RPN1: variants seen among roughly 807,000 people sequenced by gnomAD.
RPN1 encodes dolichyl-diphosphooligosaccharide--protein glycosyltransferase subunit 1.
Under a neutral mutation model 55.5 loss-of-function variants are expected in RPN1, and 12 were observed. That is an observed-to-expected ratio of 0.22 (90% confidence interval 0.14 to 0.35). The LOEUF (loss-of-function observed/expected upper bound fraction) is 0.35, where lower values mean the gene tolerates loss of function less well. RPN1 is among the 10% of genes least tolerant of loss of function. RPN1 has a pLI of 1.00. For synonymous variants in RPN1, 317 were observed against 305.9 expected (o/e 1.04, Z -0.38); for missense variants, 679 against 761.3 (o/e 0.89, Z 1.27).
At position 128,637,888 on chromosome 3, in the gene RPN1, C is replaced by T. The variant is rs768654993; in HGVS notation, c.544G>A (p.Val182Met). ...TTCCCCAGCTTGGTGTAGCTCTCCA[C>T]ATTTCGAGAGGCAAGCTTCACACGC... The part of the protein sequence containing the change: ...TMRVKLASRN[V>M]ESYTKLGNPT... Residue 182 changes from valine (V) to methionine (M), a missense_variant, in exon 3 of 10, where the codon GTG (valine) becomes ATG (methionine). Val to Met is a conservative substitution (Grantham distance 21). Coordinates refer to ENST00000296255, the MANE Select transcript of RPN1 (RefSeq NM_002950.4). 1.2e-6 allele frequency: 2 copies of T among 1,614,026 alleles called. No homozygotes were observed. Among genetic ancestry groups the T allele is most frequent in the Admixed American group, 3.3e-5 (2 of 59,984 alleles).
intron 2 of RPN1, chr3:128,641,188 T>C (rs1422706690): frequency 3.9e-5 from 6 of 152,118 alleles, no homozygotes; most frequent in Non-Finnish European, 5.9e-5. Flanking sequence ...GTACTCAAAC[T>C]GATTTACTGA....
At chr3:128,644,593 G>C (rs755212000) in intron 2 of RPN1, 3 of 508,664 alleles carry the variant, frequency 5.9e-6, no homozygotes. Context: ...CCTGGAGGTG[G>C]AGGTTGCAGT....
chr3:128,622,896 C>CA (rs781683983), intron 8 of RPN1, among the ~76,000 whole-genome samples: 3,012 of 97,864 alleles, frequency 0.031, 98 homozygotes, highest in African/African-American at 0.1. Context: ...AACTCCATCT[C>CA]AAAAAAAAAA....
chr3:128,642,258 TCAAGATAATCAC>T (rs1452955276), intron 2 of RPN1: 1 of 152,140 alleles, frequency 6.6e-6, no homozygotes, highest in East Asian at 1.9e-4. Context: ...CAGTGGAAAA[TCAAGATAATCAC>T]CAAGAAAAAT....
chr3:128,632,099 G>T lies in RPN1; in HGVS notation c.692C>A (p.Thr231Asn). ...CCAGTGAGAGACTTCAATGACTCGG[G>T]TCATGCTGGTGATGGTCAGGAAAGG... The part of the protein sequence containing the change: ...NSPFLTITSM[T>N]RVIEVSHWGN... The change falls in exon 4 of 10, where the codon ACC becomes AAC. Residue 231 changes from threonine (T) to asparagine (N), a missense_variant. Physicochemically the swap from Thr to Asn is moderately conservative, Grantham distance 65 (BLOSUM62 0). Around this residue, in one of 3 missense-constraint regions of RPN1, gnomAD observed 352 missense variants for 352.8 expected, o/e 1.00. Coordinates refer to ENST00000296255, the MANE Select transcript of RPN1 (RefSeq NM_002950.4). The T allele has an allele frequency of 6.2e-7, 1 of 1,614,168 alleles. No homozygotes were observed. The highest frequency in any genetic ancestry group is 8.5e-7 in the Non-Finnish European group (1 of 1,180,040).
At chr3:128,643,891 C>T (rs1302587758) in intron 2 of RPN1, among the ~76,000 whole-genome samples, 1 of 152,038 alleles carries the variant, frequency 6.6e-6, no homozygotes, top group African/African-American at 2.4e-5. Flanking sequence ...TGAACCATCG[C>T]ACCACTGCAC....
Position 128,635,690 on chromosome 3 carries a change from T to TACACACACACACACAC in RPN1, c.633+2093_633+2108dup, listed in dbSNP as rs71153135. On this transcript the variant is annotated intron_variant, in intron 3 of 9. Transcript: ENST00000296255. ...AGATATCTATAGATATCTATAGATA[T>TACACACACACACACAC]ACACACACACACACACACACACACA... 2.0e-3 allele frequency among the ~76,000 whole-genome samples: 278 copies of TACACACACACACACAC among 138,264 alleles called. 2 individuals are homozygous for TACACACACACACACAC. The highest frequency in any genetic ancestry group is 7.4e-3 in the African/African-American group (271 of 36,748). 90.7% of individuals were successfully genotyped at this position (138,264 alleles called of 152,430 possible). A position where few individuals can be genotyped will look rare whatever the true frequency, so the allele number is the denominator to read the frequency against.
At chr3:128,620,686 C>G in intron 9 of RPN1, 93 bp from the exon 10 acceptor site, 1 of 1,336,778 alleles carries the variant, frequency 7.5e-7, no homozygotes, top group Middle Eastern at 2.1e-4. Flanking sequence ...GACCCCAGAG[C>G]TCCACAGGTA....
At chr3:128,635,581 G>A (rs1428051284) in intron 3 of RPN1, among the ~76,000 whole-genome samples, 1 of 148,594 alleles carries the variant, frequency 6.7e-6, no homozygotes, top group Admixed American at 6.8e-5. Context: ...GATTACAGGC[G>A]TGAGCCAGTG....
intron 1 of RPN1, 58 bp downstream of exon 1, chr3:128,650,482 C>T: frequency 6.8e-7 from 1 of 1,475,010 alleles, no homozygotes; most frequent in Non-Finnish European, 9.0e-7. Flanking sequence ...CGGGGGACCG[C>T]CAGGAAGGGA....
intron 3 of RPN1, 64 bp from the exon 4 acceptor site, chr3:128,632,221 C>A: frequency 6.8e-7 from 1 of 1,468,650 alleles, no homozygotes; most frequent in South Asian, 1.2e-5. Context: ...TAGTTTAAAT[C>A]AGATTGATTG....
intron 1 of RPN1, among the ~76,000 whole-genome samples, chr3:128,646,751 A>G (rs763011933): frequency 5.3e-5 from 8 of 151,694 alleles, no homozygotes; most frequent in Non-Finnish European, 1.0e-4. Flanking sequence ...TGAGAGGCCA[A>G]TCACCTGAGG....
In RPN1 at chr3:128,625,957, A is replaced by G. The variant is rs757644183; in HGVS notation, c.1192T>C (p.Tyr398His). The G allele has an allele frequency of 6.2e-7, 1 of 1,612,852 alleles. No individual in the cohort carries two copies. Among genetic ancestry groups the G allele is most frequent in the East Asian group, 2.2e-5 (1 of 44,880 alleles). Residue 398 changes from tyrosine to histidine, a missense_variant, in exon 7 of 10, where the codon TAC becomes CAC. This residue lies in a region of RPN1 where 306 missense variants were observed against 360.0 expected (regional missense o/e 0.85). Coordinates refer to ENST00000296255, the MANE Select transcript of RPN1 (RefSeq NM_002950.4). ...CGGCCAAATGTGTCCAGATAGGTGTAGTGCAGCTCATCTGGGGCACGGCTG... is the reference window on the plus strand; with the variant it reads ...CGGCCAAATGTGTCCAGATAGGTGTGGTGCAGCTCATCTGGGGCACGGCTG... ...EISRAPDELH[Y>H]TYLDTFGRPV...
At position 128,632,165 on chromosome 3, in the gene RPN1, G is replaced by T; in HGVS notation, c.634-8C>A. 6.2e-7 allele frequency: 1 copy of T among 1,613,946 alleles called. No homozygotes were observed. Among genetic ancestry groups the T allele is most frequent in the Non-Finnish European group, 8.5e-7 (1 of 1,179,848 alleles). ...ATGTACTTTAAAAGTATCCTGGAAGGAAGGAAACAAATAGTTCAAAGTTTT... is the reference window on the plus strand; with the variant it reads ...ATGTACTTTAAAAGTATCCTGGAAGTAAGGAAACAAATAGTTCAAAGTTTT... On this transcript the variant is annotated splice_polypyrimidine_tract_variant and splice_region_variant and intron_variant, in intron 3 of 9. Coordinates refer to ENST00000296255, the MANE Select transcript of RPN1 (RefSeq NM_002950.4).
chr3:128,640,133 C>T (rs528244961), intron 2 of RPN1, among the ~76,000 whole-genome samples: 2 of 151,984 alleles, frequency 1.3e-5, no homozygotes, highest in East Asian at 3.9e-4. Flanking sequence ...GATTGTGCCA[C>T]TGCACTCCAG....
chr3:128,640,233 C>T (rs899971755), intron 2 of RPN1, among the ~76,000 whole-genome samples: 1 of 152,190 alleles, frequency 6.6e-6, no homozygotes, highest in East Asian at 1.9e-4. Flanking sequence ...GGTACTAATT[C>T]TAAACTGAAT....
chr3:128,632,243 T>C (rs1020898716), intron 3 of RPN1, 86 bp from the exon 4 acceptor site: 4 of 1,211,078 alleles, frequency 3.3e-6, no homozygotes, highest in African/African-American at 1.5e-5. Flanking sequence ...AGACAACCTA[T>C]ATATCAGCAA....
intron 3 of RPN1, among the ~76,000 whole-genome samples, chr3:128,635,684 T>TACACACAC (rs1470999891): frequency 6.6e-5 from 7 of 105,632 alleles, no homozygotes; most frequent in African/African-American, 1.3e-4. Context: ...TAGATATCTA[T>TACACACAC]AGATATACAC....
chr3:128,623,728 A>G (rs1309938025), intron 8 of RPN1, among the ~76,000 whole-genome samples: 1 of 152,142 alleles, frequency 6.6e-6, no homozygotes, highest in Non-Finnish European at 1.5e-5. Flanking sequence ...TTAACTGGCC[A>G]GTTAATAGTA....
Sources: gnomAD v4.1 joint callset for allele counts (sites outside exome capture counted in the v4.1 genomes callset) on GRCh38, gnomAD v4.1.1 for gene constraint, gnomAD v4.1.1 regional missense constraint, MANE v1.5 for transcripts, NCBI Gene and HGNC (gene_info 2026-07-23, HGNC 2026-07-21) for gene names.